The following DDX6 variants were observed in gnomAD, a reference collection of about 807,000 sequenced individuals.
The protein encoded by DDX6 is DEAD-box helicase 6, also known as probable ATP-dependent RNA helicase DDX6.
A neutral mutation model predicts 60.6 loss-of-function variants in DDX6; 7 were observed. That is an observed-to-expected ratio of 0.12 (90% confidence interval 0.07 to 0.22). The LOEUF is 0.22. Among genes scored for constraint, DDX6 ranks in the 10% least tolerant of loss-of-function variants. The pLI is 1.00. For missense variants in DDX6, 270 were observed against 589.9 expected, an observed-to-expected ratio of 0.46 and a Z score of 5.62; for synonymous variants, 207 against 201.0, an observed-to-expected ratio of 1.03 and a Z score of -0.25.
At chr11:118,764,551 T>A (rs1861284381) in intron 6 of DDX6, among the ~76,000 whole-genome samples, 1 of 152,076 alleles carries the variant, frequency 6.6e-6, no homozygotes, top group Admixed American at 6.6e-5. Flanking sequence ...ACGCCTGTAA[T>A]CCCAGCACTT....
chr11:118,781,991 T>A (rs1416617638), intron 2 of DDX6, among the ~76,000 whole-genome samples: 2 of 151,820 alleles, frequency 1.3e-5, no homozygotes, highest in African/African-American at 4.8e-5. Flanking sequence ...GGCAAGCGGA[T>A]CACCTGAGGT....
chr11:118,778,731 C>T (rs1402714136), intron 4 of DDX6, among the ~76,000 whole-genome samples: 1 of 151,990 alleles, frequency 6.6e-6, no homozygotes, highest in African/African-American at 2.4e-5. Flanking sequence ...ATTAACATCA[C>T]CAAAGAGGAA....
rs1258062968 is a variant in DDX6, at chr11:118,754,775, G to A, written c.1389C>T (p.Asn463=). Residue 463 remains asparagine (N), a synonymous_variant, in exon 13 of 14, where the codon AAC becomes AAT. Coordinates refer to ENST00000534980, the MANE Select transcript of DDX6 (RefSeq NM_004397.6). ...CTGCCACATACAGGCTCTTATCAAT[G>A]TTGCTCGGAATAGGTTTAATTTCTG... is the stretch of plus-strand genomic sequence containing the variant. ...LGTEIKPIPS[N]IDKSLYVAEY... is the part of the protein sequence containing the mutation. 6.2e-6 allele frequency: 10 copies of A among 1,613,694 alleles called. No individual in the cohort carries two copies. The highest frequency in any genetic ancestry group is 1.3e-5 in the African/African-American group (1 of 74,880).
At chr11:118,770,554 T>G (rs1292765640) in intron 4 of DDX6, among the ~76,000 whole-genome samples, 1 of 152,090 alleles carries the variant, frequency 6.6e-6, no homozygotes, top group Non-Finnish European at 1.5e-5. Context: ...ATAAATGGGT[T>G]CCATATGGTC....
rs1860695211 is a variant in DDX6, at chr11:118,749,880, GA to G, written c.*2224del. ...CCAACATTGACTGGACAGAAAATAT[GA>G]GGCTTGGGTTCCAAATAGATGAGCT... On this transcript the variant is annotated 3_prime_UTR_variant, in exon 14 of 14. Transcript: ENST00000534980. 6.6e-6 allele frequency: 1 copy of G among 152,546 alleles called. No homozygotes were observed. The highest frequency in any genetic ancestry group is 2.4e-5 in the African/African-American group (1 of 41,432). The allele number at this position is 152,546 out of a possible 1,614,324, so 9.4% of individuals were successfully genotyped here. A position where few individuals can be genotyped will look rare whatever the true frequency, so the allele number is the denominator to read the frequency against.
At chr11:118,776,757 C>T (rs994005084) in intron 4 of DDX6, among the ~76,000 whole-genome samples, 3 of 150,370 alleles carry the variant, frequency 2.0e-5, no homozygotes, top group African/African-American at 4.9e-5. Context: ...CGCGTGAACC[C>T]AGGAGTCGGA....
intron 7 of DDX6, among the ~76,000 whole-genome samples, chr11:118,762,185 A>T (rs906108297): frequency 6.6e-6 from 1 of 151,824 alleles, no homozygotes; most frequent in African/African-American, 2.4e-5. Context: ...CTGAGGCATA[A>T]GAATCACTTG....
chr11:118,791,227 G>C (rs1862268436), upstream of DDX6: 1 of 152,070 alleles, frequency 6.6e-6, no homozygotes, highest in South Asian at 2.1e-4. Flanking sequence ...CTGCCTCTCC[G>C]CATGGCGGCG....
chr11:118,769,471 A>G (rs1314839549), intron 4 of DDX6, among the ~76,000 whole-genome samples: 1 of 152,184 alleles, frequency 6.6e-6, no homozygotes, highest in Non-Finnish European at 1.5e-5. Flanking sequence ...TTTGCAAATA[A>G]TAACAGTAGT....
rs1188459688 is a variant in DDX6, at chr11:118,749,106, G to C, written c.*2999C>G. On this transcript the variant is annotated 3_prime_UTR_variant, in exon 14 of 14. Transcript: ENST00000534980. ...GTATTTATCCCCATCAGAATATATG[G>C]GGAAAGAAAAAACATAGGCCTAGAG... The C allele has an allele frequency of 6.6e-6, 1 of 151,912 alleles. No individual in the cohort carries two copies. The highest frequency in any genetic ancestry group is 3.2e-3 in the Middle Eastern group (1 of 316). The allele number at this position is 151,912 out of a possible 1,614,324, so 9.4% of individuals were successfully genotyped here.
At chr11:118,770,063 G>T (rs959360474) in intron 4 of DDX6, among the ~76,000 whole-genome samples, 19 of 150,634 alleles carry the variant, frequency 1.3e-4, no homozygotes, top group Admixed American at 1.3e-4. Context: ...TTTCGCTCTT[G>T]TCACTCAGGC....
rs151269999 is a variant in DDX6, at chr11:118,778,907, T to C, written c.369+725A>G. ...ATTAATAAAAAAAGGGGGCCAGGCA[T>C]GGTGGCTAATGTCTGTAATCCTAGC... On this transcript the variant is annotated intron_variant, in intron 4 of 13. Coordinates refer to ENST00000534980, the MANE Select transcript of DDX6 (RefSeq NM_004397.6). Among the ~76,000 whole-genome samples, 383 of 152,220 alleles carry C rather than the reference T, an allele frequency of 2.5e-3. 1 individual carries two copies. The highest frequency in any genetic ancestry group is 8.9e-3 in the African/African-American group (369 of 41,530).
chr11:118,773,622 G>A (rs1165121900), intron 4 of DDX6, among the ~76,000 whole-genome samples: 4 of 151,344 alleles, frequency 2.6e-5, no homozygotes, highest in Non-Finnish European at 4.4e-5. Flanking sequence ...CTCCAGACGA[G>A]GTAGCAATGA....
intron 2 of DDX6, 185 bp downstream of exon 2, chr11:118,785,867 G>C (rs998272407): frequency 7.8e-6 from 4 of 512,880 alleles, no homozygotes; most frequent in Non-Finnish European, 1.3e-5. Context: ...ACTACTTGCT[G>C]AACAAATTAT....
intron 6 of DDX6, among the ~76,000 whole-genome samples, chr11:118,764,124 G>A (rs1565566361): frequency 6.6e-6 from 1 of 152,128 alleles, no homozygotes; most frequent in Non-Finnish European, 1.5e-5. Context: ...CTAGAGCAGT[G>A]AGCCGAGTAT....
intron 2 of DDX6, among the ~76,000 whole-genome samples, chr11:118,783,470 T>G (rs549568837): frequency 6.6e-6 from 1 of 152,300 alleles, no homozygotes; most frequent in East Asian, 1.9e-4. Flanking sequence ...ATGAACGGCA[T>G]GAGCCATCAT....
chr11:118,760,813 T>A (rs1270641936), intron 7 of DDX6, among the ~76,000 whole-genome samples: 1 of 121,058 alleles, frequency 8.3e-6, no homozygotes, highest in Non-Finnish European at 1.7e-5. Context: ...AGGGCGAGAC[T>A]ACTCCGTCTC....
At chr11:118,767,098 G>A (rs1224475974) in intron 5 of DDX6, among the ~76,000 whole-genome samples, 1 of 151,722 alleles carries the variant, frequency 6.6e-6, no homozygotes, top group Non-Finnish European at 1.5e-5. Context: ...TGTTAGCGAG[G>A]CTGGTCTTGA....
chr11:118,772,394 G>A (rs1426515228), intron 4 of DDX6, among the ~76,000 whole-genome samples: 1 of 152,072 alleles, frequency 6.6e-6, no homozygotes, highest in Non-Finnish European at 1.5e-5. Flanking sequence ...AAAGAAGCCA[G>A]TCACAAAAAA....
Sources: gnomAD v4.1 joint callset for allele counts (sites outside exome capture counted in the v4.1 genomes callset) on GRCh38, gnomAD v4.1.1 for gene constraint, MANE v1.5 for transcripts, NCBI Gene and HGNC (gene_info 2026-07-23, HGNC 2026-07-21) for gene names.